TSPAN13: variants seen among roughly 807,000 people sequenced by gnomAD.
TSPAN13 encodes tetraspanin 13, also known as tetraspanin-13.
Under a neutral mutation model 26.9 loss-of-function variants are expected in TSPAN13, and 18 were observed. The observed-to-expected ratio is 0.67, with a 90% CI of 0.46 to 0.99. The LOEUF (loss-of-function observed/expected upper bound fraction) is 0.99. Ranked by LOEUF, TSPAN13 falls within the 50% of genes least tolerant of loss-of-function variation. The pLI, the probability that TSPAN13 is intolerant of heterozygous loss-of-function variation, is 0.00. For synonymous variants in TSPAN13, 116 were observed against 98.4 expected, an observed-to-expected ratio of 1.18 and a Z score of -1.06; for missense variants, 201 against 249.6, an observed-to-expected ratio of 0.81 and a Z score of 1.31.
intron 5 of TSPAN13, 46 bp from the exon 6 acceptor site, chr7:16,783,371 A>G: frequency 6.4e-7 from 1 of 1,557,220 alleles, no homozygotes; most frequent in Non-Finnish European, 8.8e-7. Flanking sequence ...ATATACATAA[A>G]TGTTACTTTC....
At chr7:16,754,409 A>G (rs543984738) in intron 1 of TSPAN13, among the ~76,000 whole-genome samples, 1 of 152,006 alleles carries the variant, frequency 6.6e-6, no homozygotes, top group Non-Finnish European at 1.5e-5. Context: ...CCAGGCGTGG[A>G]GGCGCGAGAG....
At position 16,776,979 on chromosome 7, in the gene TSPAN13, C is replaced by G. The variant is rs540370692; in HGVS notation, c.232-63C>G. The G allele has an allele frequency of 5.1e-6, 6 of 1,170,730 alleles. No homozygotes were observed. The African/African-American group carries it at 9.0e-5, about 18-fold the overall frequency. The allele number at this position is 1,170,730 out of a possible 1,614,324, so 72.5% of individuals were successfully genotyped here. A position where few individuals can be genotyped will look rare whatever the true frequency, so the allele number is the denominator to read the frequency against. ...GTGCATTCTAAAGTTGTCAGTACCTCTGTACCTCTGTTTTATGCCATTCTA... is the reference window on the plus strand; with the variant it reads ...GTGCATTCTAAAGTTGTCAGTACCTGTGTACCTCTGTTTTATGCCATTCTA... On this transcript the variant is annotated intron_variant, in intron 2 of 5. Coordinates refer to ENST00000262067, the MANE Select transcript of TSPAN13 (RefSeq NM_014399.4).
chr7:16,765,266 AT>A (rs34746935), intron 1 of TSPAN13, among the ~76,000 whole-genome samples: 63,484 of 151,282 alleles, frequency 0.42, 14,582 homozygotes, highest in African/African-American at 0.61. Flanking sequence ...CACCTGGCTA[AT>A]TTTTTTTATT....
chr7:16,784,048 T>C lies in TSPAN13; in HGVS notation c.*557T>C, dbSNP rs969471199. 6.5e-6 allele frequency: 1 copy of C among 152,814 alleles called. No individual in the cohort carries two copies. The highest frequency in any genetic ancestry group is 1.5e-5 in the Non-Finnish European group (1 of 68,152). The allele number at this position is 152,814 out of a possible 1,614,324, so 9.5% of individuals were successfully genotyped here. A position where few individuals can be genotyped will look rare whatever the true frequency, so the allele number is the denominator to read the frequency against. On this transcript the variant is annotated 3_prime_UTR_variant, in exon 6 of 6. Coordinates refer to ENST00000262067, the MANE Select transcript of TSPAN13 (RefSeq NM_014399.4). ...TTGTAGTCTTTTATGATTACACCAATGTATTCTAGAAATAGTTATGTCTTA... is the reference window on the plus strand; with the variant it reads ...TTGTAGTCTTTTATGATTACACCAACGTATTCTAGAAATAGTTATGTCTTA...
At position 16,753,900 on chromosome 7, in the gene TSPAN13, A is replaced by C; in HGVS notation, c.-68A>C. On this transcript the variant is annotated 5_prime_UTR_variant, in exon 1 of 6. Coordinates refer to ENST00000262067, the MANE Select transcript of TSPAN13 (RefSeq NM_014399.4). ...GGCCAGGCCCCAAAGGCAAGGACAA[A>C]GCAGCTGTCAGGGAACCTCCGCCGG... is the stretch of plus-strand genomic sequence containing the variant. 1 of 1,519,716 alleles carries C rather than the reference A, an allele frequency of 6.6e-7. No homozygotes were observed. Among genetic ancestry groups the C allele is most frequent in the Non-Finnish European group, 9.0e-7 (1 of 1,110,826 alleles). The allele number at this position is 1,519,716 out of a possible 1,614,324, so 94.1% of individuals were successfully genotyped here. A position where few individuals can be genotyped will look rare whatever the true frequency, so the allele number is the denominator to read the frequency against.
At chr7:16,754,820 A>G (rs1784464392) in intron 1 of TSPAN13, among the ~76,000 whole-genome samples, 1 of 152,132 alleles carries the variant, frequency 6.6e-6, no homozygotes, top group Non-Finnish European at 1.5e-5. Flanking sequence ...CTGGGTGAAC[A>G]GGAGGATGGG....
At chr7:16,783,265 A>T in intron 5 of TSPAN13, 152 bp from the exon 6 acceptor site, 1 of 709,134 alleles carries the variant, frequency 1.4e-6, no homozygotes, top group African/African-American at 1.8e-5. Context: ...CATTTGGTTT[A>T]CTTCATTTCA....
chr7:16,768,949 T>C (rs1583790791), intron 1 of TSPAN13, among the ~76,000 whole-genome samples: 1 of 152,164 alleles, frequency 6.6e-6, no homozygotes. Context: ...TGATCTTGGC[T>C]CACTGCAAAC....
intron 1 of TSPAN13, among the ~76,000 whole-genome samples, chr7:16,755,115 A>G (rs142994518): frequency 0.016 from 2,436 of 152,058 alleles, 58 homozygotes; most frequent in Admixed American, 0.079. Context: ...GCTCCCTTCT[A>G]TAAATATACC....
At position 16,778,209 on chromosome 7, in the gene TSPAN13, T is replaced by A. The variant is rs1210932042; in HGVS notation, c.426+298T>A. Among the ~76,000 whole-genome samples the A allele has an allele frequency of 2.6e-5, 4 of 152,178 alleles. No homozygotes were observed. In the East Asian group the frequency reaches 7.7e-4, roughly 29 times the overall value. ...TGTGAAAGAAATAATAGTACGTCAG[T>A]TCATGTGTTCATATTTTGGGGAAAC... On this transcript the variant is annotated intron_variant, in intron 4 of 5. Transcript: ENST00000262067.
chr7:16,778,021 A>G (rs1784772909), intron 4 of TSPAN13, 110 bp downstream of exon 4: 3 of 762,776 alleles, frequency 3.9e-6, no homozygotes, highest in Non-Finnish European at 6.2e-6. Context: ...GGATTATTTT[A>G]TGTATATATT....
intron 5 of TSPAN13, 89 bp downstream of exon 5, chr7:16,779,205 CATTT>C: frequency 1.1e-6 from 1 of 932,534 alleles, no homozygotes; most frequent in Non-Finnish European, 1.6e-6. Flanking sequence ...TATCAGTGAG[CATTT>C]TCATTGAGAA....
chr7:16,783,571 T>G lies in TSPAN13; in HGVS notation c.*80T>G, dbSNP rs748060767. ...TTTTCTGTTAAGCTCCATTTGCCAG[T>G]TTAAGGAAGGAAACACTATCTGGAA... On this transcript the variant is annotated 3_prime_UTR_variant, in exon 6 of 6. Transcript: ENST00000262067. 1.2e-4 allele frequency: 156 copies of G among 1,333,416 alleles called. No homozygotes were observed. The highest frequency in any genetic ancestry group is 1.6e-4 in the Non-Finnish European group (144 of 928,222). The allele number at this position is 1,333,416 out of a possible 1,614,324, so 82.6% of individuals were successfully genotyped here. A position where few individuals can be genotyped will look rare whatever the true frequency, so the allele number is the denominator to read the frequency against.
rs534335984 is a variant in TSPAN13, at chr7:16,759,305, T to C, written c.63+5275T>C. Among the ~76,000 whole-genome samples the C allele has an allele frequency of 3.3e-5, 5 of 152,280 alleles. No individual in the cohort carries two copies. In the East Asian group the frequency reaches 9.7e-4, roughly 30 times the overall value. ...CAGGAAGCATAGTGCTGGCATCTAC[T>C]TCTGGTGAGGGCCCCAGGAAGCTTA... On this transcript the variant is annotated intron_variant, in intron 1 of 5. Coordinates refer to ENST00000262067, the MANE Select transcript of TSPAN13 (RefSeq NM_014399.4).
At chr7:16,762,622 C>T (rs77671358) in intron 1 of TSPAN13, among the ~76,000 whole-genome samples, 2 of 152,234 alleles carry the variant, frequency 1.3e-5, no homozygotes, top group African/African-American at 4.8e-5. Context: ...TAATAGAAAC[C>T]CAGCTATCAC....
At position 16,757,511 on chromosome 7, in the gene TSPAN13, A is replaced by G. The variant is rs1222134963; in HGVS notation, c.63+3481A>G. 3.3e-5 allele frequency among the ~76,000 whole-genome samples: 5 copies of G among 152,286 alleles called. No homozygotes were observed. The East Asian group carries it at 9.7e-4, about 29-fold the overall frequency. ...GCTCTATTAAAAACAAACAACCAAA[A>G]AAAAGGTAGCTGACTTTGTTAAATA... On this transcript the variant is annotated intron_variant, in intron 1 of 5. Coordinates refer to ENST00000262067, the MANE Select transcript of TSPAN13 (RefSeq NM_014399.4).
chr7:16,763,365 G>A (rs1149524), intron 1 of TSPAN13, among the ~76,000 whole-genome samples: 68,091 of 152,056 alleles, frequency 0.45, 16,312 homozygotes, highest in African/African-American at 0.61. Flanking sequence ...TGAAGCTTGT[G>A]TGAATCAGGA....
intron 1 of TSPAN13, among the ~76,000 whole-genome samples, chr7:16,767,532 T>G (rs1784619932): frequency 6.6e-6 from 1 of 152,212 alleles, no homozygotes; most frequent in Non-Finnish European, 1.5e-5. Flanking sequence ...ATATATCTAG[T>G]TGGGTACATA....
intron 1 of TSPAN13, among the ~76,000 whole-genome samples, chr7:16,757,414 A>G (rs1784491372): frequency 6.6e-6 from 1 of 152,190 alleles, no homozygotes; most frequent in Admixed American, 6.5e-5. Context: ...ATGAAATAAA[A>G]TTTGTATTAA....
Sources: gnomAD v4.1 joint callset for allele counts (sites outside exome capture counted in the v4.1 genomes callset) on GRCh38, gnomAD v4.1.1 for gene constraint, MANE v1.5 for transcripts, NCBI Gene and HGNC (gene_info 2026-07-23, HGNC 2026-07-21) for gene names.